The following MEA1 variants were observed in gnomAD, a reference collection of about 807,000 sequenced individuals.
MEA1 encodes the protein male-enhanced antigen 1, also known as Male-enhanced antigen (H-Y structural gene).
Under a neutral mutation model 21.4 loss-of-function variants are expected in MEA1, and 22 were observed. That is an observed-to-expected ratio of 1.03 (90% CI 0.73 to 1.47). MEA1 has a LOEUF of 1.47. Ranked by LOEUF, MEA1 falls within the 40% of genes most tolerant of loss-of-function variation. MEA1 has a pLI of 0.00. For missense variants in MEA1, 233 were observed against 230.5 expected (o/e 1.01, Z -0.07); for synonymous variants, 91 against 85.5 (o/e 1.06, Z -0.35).
chr6:43,016,875 C>G (rs966791572), upstream of MEA1: 7 of 374,398 alleles, frequency 1.9e-5, no homozygotes, highest in Non-Finnish European at 3.0e-5. Context: ...CCATGATATG[C>G]AGATTCTGAG....
upstream of MEA1, chr6:43,014,721 A>G (rs1762519240): frequency 4.4e-5 from 18 of 412,148 alleles, 1 homozygote; most frequent in South Asian, 2.9e-4. Context: ...TGGTCAGTGC[A>G]TGCTAATTTT....
In MEA1 at chr6:43,013,919, C is replaced by T; in HGVS notation, c.-106G>A. The stretch of plus-strand genomic sequence containing the variant: ...TCACCCGCTCAGAGCCCGCGGCCTC[C>T]ACTTCCGGCGGGGCAGGACGTGCAG... On this transcript the variant is annotated 5_prime_UTR_variant, in exon 1 of 4. Coordinates refer to ENST00000244711, the MANE Select transcript of MEA1 (RefSeq NM_014623.4). 6.7e-7 allele frequency: 1 copy of T among 1,482,504 alleles called. No homozygotes were observed. Among genetic ancestry groups the T allele is most frequent in the South Asian group, 1.4e-5 (1 of 73,800 alleles). 91.8% of individuals were successfully genotyped at this position (1,482,504 alleles called of 1,614,324 possible). A position where few individuals can be genotyped will look rare whatever the true frequency, so the allele number is the denominator to read the frequency against.
chr6:43,013,699 A>G, intron 1 of MEA1, 87 bp downstream of exon 1: 3 of 1,351,056 alleles, frequency 2.2e-6, no homozygotes, highest in Non-Finnish European at 2.1e-6. Context: ...CTCCCCCGCG[A>G]CTTGGGAACT....
At chr6:43,012,662 G>C in intron 3 of MEA1, 41 bp from the exon 4 acceptor site, 1 of 1,564,156 alleles carries the variant, frequency 6.4e-7, no homozygotes, top group Non-Finnish European at 8.7e-7. Flanking sequence ...TAGAAATAAT[G>C]GGACCAGCTC....
In MEA1 at chr6:43,012,520, C is replaced by T. The variant is rs756409268; in HGVS notation, c.508G>A (p.Val170Met). The T allele has an allele frequency of 1.2e-6, 2 of 1,611,740 alleles. No homozygotes were observed. The highest frequency in any genetic ancestry group is 2.2e-5 in the South Asian group (2 of 90,818). The change falls in exon 4 of 4, where the codon GTG (valine) becomes ATG (methionine). Residue 170 changes from valine to methionine, a missense_variant. Transcript: ENST00000244711. ...CGGGCTTGGAGGGCTTTCTGTACCACATCTTCCCACTGGGCATCCGATATC... is the reference window on the plus strand; with the variant it reads ...CGGGCTTGGAGGGCTTTCTGTACCATATCTTCCCACTGGGCATCCGATATC... ...REISDAQWED[V>M]VQKALQARQA...
chr6:43,014,570 G>A (rs1404892489), upstream of MEA1: 2 of 460,422 alleles, frequency 4.3e-6, no homozygotes, highest in South Asian at 3.1e-5. Context: ...AGCAATGAAG[G>A]AAATGGGAAG....
upstream of MEA1, chr6:43,016,597 C>T (rs569509469): frequency 6.5e-6 from 1 of 153,816 alleles, no homozygotes; most frequent in South Asian, 2.0e-4. Flanking sequence ...CCCGCCCTAT[C>T]TTGGGTAGGG....
In MEA1 at chr6:43,012,455, C is replaced by A; in HGVS notation, c.*15G>T. 6.3e-7 allele frequency: 1 copy of A among 1,581,320 alleles called. No homozygotes were observed. The highest frequency in any genetic ancestry group is 8.6e-7 in the Non-Finnish European group (1 of 1,166,490). The stretch of plus-strand genomic sequence containing the variant: ...TGGCCTGGAATGTAGGAATATAAGG[C>A]AGCTCTCACTGTGGTCACTTCCAGG... On this transcript the variant is annotated 3_prime_UTR_variant, in exon 4 of 4. Transcript: ENST00000244711.
In MEA1 at chr6:43,012,573, G is replaced by A. The variant is rs142191404; in HGVS notation, c.455C>T (p.Ala152Val). The A allele has an allele frequency of 1.9e-4, 314 of 1,612,334 alleles. 1 individual carries two copies. The highest frequency in any genetic ancestry group is 5.1e-4 in the South Asian group (46 of 90,920). The change falls in exon 4 of 4, where the codon GCG (alanine) becomes GTG (valine). Residue 152 changes from alanine to valine, a missense_variant. Physicochemically the swap from Ala to Val is moderately conservative, Grantham distance 64. Transcript: ENST00000244711. ...CCGAGCCCAGGCAGGAACCCCTGGCGCAGGCAGGCTTACTCCAGCCATTGT... is the reference window on the plus strand; with the variant it reads ...CCGAGCCCAGGCAGGAACCCCTGGCACAGGCAGGCTTACTCCAGCCATTGT... ...KRTMAGVSLP[A>V]PGVPAWAREI...
Position 43,013,926 on chromosome 6 carries a change from G to A in MEA1, c.-113C>T. ...CTCAGAGCCCGCGGCCTCCACTTCC[G>A]GCGGGGCAGGACGTGCAGAGGTGCC... On this transcript the variant is annotated 5_prime_UTR_variant, in exon 1 of 4. Coordinates refer to ENST00000244711, the MANE Select transcript of MEA1 (RefSeq NM_014623.4). The A allele has an allele frequency of 3.0e-6, 4 of 1,344,858 alleles. No individual in the cohort carries two copies. The highest frequency in any genetic ancestry group is 2.8e-5 in the South Asian group (2 of 71,142). The allele number at this position is 1,344,858 out of a possible 1,614,324, so 83.3% of individuals were successfully genotyped here.
upstream of MEA1, chr6:43,014,127 A>G (rs973982847): frequency 7.1e-7 from 1 of 1,411,154 alleles, no homozygotes; most frequent in Non-Finnish European, 9.2e-7. Flanking sequence ...GCCCCTGCCC[A>G]CTCCTCAGCC....
Position 43,012,622 on chromosome 6 carries a change from CT to C in MEA1, c.407-2del, listed in dbSNP as rs1360413267. ...GTCCTTTTCACCAGCTCTACATGTT[CT>C]GAAATCAGAGCCAGAGGCCATTCAG... is the stretch of plus-strand genomic sequence containing the variant. On this transcript the variant is annotated splice_acceptor_variant, in intron 3 of 3. Coordinates refer to ENST00000244711, the MANE Select transcript of MEA1 (RefSeq NM_014623.4). LOFTEE classifies it high-confidence loss of function. 4 of 1,592,994 alleles carry C rather than the reference CT, an allele frequency of 2.5e-6. No homozygotes were observed. The highest frequency in any genetic ancestry group is 2.6e-6 in the Non-Finnish European group (3 of 1,171,584).
upstream of MEA1, chr6:43,013,955 T>C: frequency 1.4e-6 from 2 of 1,446,940 alleles, no homozygotes; most frequent in Non-Finnish European, 1.8e-6. Context: ...AGGTGCCTAG[T>C]CCTCCAGCCC....
upstream of MEA1, chr6:43,014,445 G>GGT (rs1447156467): frequency 6.5e-5 from 36 of 551,928 alleles, no homozygotes; most frequent in African/African-American, 5.4e-4. Context: ...AGAGTGATGA[G>GGT]GTGGGGGTGG....
chr6:43,011,698 CAGG>C lies in MEA1; in HGVS notation c.*769_*771del, dbSNP rs770361901. On this transcript the variant is annotated 3_prime_UTR_variant, in exon 4 of 4. Coordinates refer to ENST00000244711, the MANE Select transcript of MEA1 (RefSeq NM_014623.4). The stretch of plus-strand genomic sequence containing the variant: ...CCCTGCAGAGGCATGTAGGGAACAG[CAGG>C]AGATTATTCTCACCAAAGTTATGTC... 19 of 196,464 alleles carry C rather than the reference CAGG, an allele frequency of 9.7e-5. No individual in the cohort carries two copies. The highest frequency in any genetic ancestry group is 1.6e-4 in the Non-Finnish European group (15 of 94,886). 12.2% of individuals were successfully genotyped at this position (196,464 alleles called of 1,614,324 possible).
At chr6:43,014,159 A>G (rs986871649), upstream of MEA1, 1 of 1,415,182 alleles carries the variant, frequency 7.1e-7, no homozygotes, top group Non-Finnish European at 9.2e-7. Flanking sequence ...CAGGAAACGT[A>G]TGGACTACAA....
At chr6:43,012,683 T>A in intron 3 of MEA1, 62 bp from the exon 4 acceptor site, 1 of 1,519,040 alleles carries the variant, frequency 6.6e-7, no homozygotes, top group South Asian at 1.3e-5. Context: ...CCCTCCCCAA[T>A]CCCCGAATCA....
In MEA1 at chr6:43,012,992, T is replaced by A. The variant is rs771067805; in HGVS notation, c.340A>T (p.Ser114Cys). 1 of 1,614,092 alleles carries A rather than the reference T, an allele frequency of 6.2e-7. No individual in the cohort carries two copies. Among genetic ancestry groups the A allele is most frequent in the South Asian group, 1.1e-5 (1 of 91,078 alleles). Residue 114 changes from serine (S) to cysteine (C), a missense_variant, in exon 3 of 4, where the codon AGT (serine) becomes TGT (cysteine). Physicochemically the swap from Ser to Cys is moderately radical, Grantham distance 112 (BLOSUM62 -1). Transcript: ENST00000244711. ...GCTCCCTCCTCATCTTCATCTTCAC[T>A]CTCTAATGGTGGGTCTGGCAAATGA... ...GLHLPDPPLE[S>C]EDEDEEGATA...
upstream of MEA1, chr6:43,016,407 A>G (rs1055151114): frequency 2.6e-5 from 4 of 152,384 alleles, no homozygotes; most frequent in African/African-American, 9.6e-5. Context: ...CCCAAGCCTA[A>G]GCATACACAT....
Sources: allele counts gnomAD v4.1 joint callset, GRCh38; gene constraint gnomAD v4.1.1; transcripts MANE v1.5; gene names NCBI Gene and HGNC (gene_info 2026-07-23, HGNC 2026-07-21).